The following PTPRD variants were observed in gnomAD, a reference collection of about 807,000 sequenced individuals.
PTPRD encodes protein tyrosine phosphatase receptor type D.
In PTPRD, 34 loss-of-function variants were observed where a neutral mutation model predicts 214.5. The observed-to-expected ratio is 0.16, with a 90% CI of 0.12 to 0.21. The LOEUF (loss-of-function observed/expected upper bound fraction) is 0.21, where lower values mean the gene tolerates loss of function less well. Ranked by LOEUF, PTPRD falls within the 10% of genes least tolerant of loss-of-function variation. The pLI is 1.00. For synonymous variants in PTPRD, 1,128 were observed against 845.7 expected, an observed-to-expected ratio of 1.33 and a Z score of -5.79; for missense variants, 2,545 against 2,398.7, an observed-to-expected ratio of 1.06 and a Z score of -1.27.
chr9:9,303,280 T>C (rs1956088563), intron 9 of PTPRD, among the ~76,000 whole-genome samples: 1 of 152,064 alleles, frequency 6.6e-6, no homozygotes, highest in Middle Eastern at 3.4e-3. Context: ...GGTTTGTCAT[T>C]CTCAAATATC....
intron 9 of PTPRD, among the ~76,000 whole-genome samples, chr9:9,306,592 C>A (rs1042047066): frequency 9.6e-5 from 14 of 145,682 alleles, no homozygotes; most frequent in Non-Finnish European, 1.8e-4. Context: ...AAAAAAAATC[C>A]ATCTTTTCTT....
chr9:8,477,526 G>C (rs945781634), intron 30 of PTPRD, among the ~76,000 whole-genome samples: 1 of 152,140 alleles, frequency 6.6e-6, no homozygotes, highest in African/African-American at 2.4e-5. Flanking sequence ...TTTTGTGTTA[G>C]TGTGTATTAG....
intron 8 of PTPRD, among the ~76,000 whole-genome samples, chr9:9,400,336 T>C (rs752580689): frequency 1.3e-5 from 2 of 151,902 alleles, no homozygotes; most frequent in African/African-American, 2.4e-5. Context: ...GAGAGAAATA[T>C]AAAGCAGGGA....
chr9:10,549,166 TA>T (rs1383570670), intron 2 of PTPRD, among the ~76,000 whole-genome samples: 2 of 152,202 alleles, frequency 1.3e-5, no homozygotes, highest in African/African-American at 2.4e-5. Context: ...GTGTAGCATA[TA>T]AAAACTGTCT....
At chr9:8,727,748 G>A (rs182385529) in intron 12 of PTPRD, among the ~76,000 whole-genome samples, 1 of 152,046 alleles carries the variant, frequency 6.6e-6, no homozygotes, top group Admixed American at 6.6e-5. Flanking sequence ...CTTAAACTGG[G>A]CTCAAGCAAT....
At chr9:8,722,121 C>CTGTG (rs2098505868) in intron 12 of PTPRD, among the ~76,000 whole-genome samples, 1 of 104,426 alleles carries the variant, frequency 9.6e-6, no homozygotes, top group Non-Finnish European at 2.0e-5. Context: ...TTAAGTATTA[C>CTGTG]TCTGTGTGTG....
At chr9:9,193,245 TC>T (rs1434011821) in intron 9 of PTPRD, among the ~76,000 whole-genome samples, 1 of 152,104 alleles carries the variant, frequency 6.6e-6, no homozygotes, top group Admixed American at 6.6e-5. Context: ...TGAATTGAGG[TC>T]ATGAATATTG....
intron 10 of PTPRD, among the ~76,000 whole-genome samples, chr9:9,067,381 G>A (rs2099736388): frequency 6.6e-6 from 1 of 152,234 alleles, no homozygotes; most frequent in South Asian, 2.1e-4. Context: ...TTACGTTTAT[G>A]CCTTTCTAAG....
At chr9:10,139,059 A>G (rs2098963094) in intron 3 of PTPRD, among the ~76,000 whole-genome samples, 1 of 152,112 alleles carries the variant, frequency 6.6e-6, no homozygotes. Context: ...AGCAAGAGAA[A>G]AAAATAAAGA....
At chr9:10,592,305 G>A (rs2075658358) in intron 2 of PTPRD, among the ~76,000 whole-genome samples, 1 of 151,978 alleles carries the variant, frequency 6.6e-6, no homozygotes, top group Non-Finnish European at 1.5e-5. Context: ...CTCACCAAAT[G>A]CAGCAGCCAA....
chr9:8,507,579 G>T, intron 21 of PTPRD, 145 bp from the exon 22 acceptor site: 1 of 932,408 alleles, frequency 1.1e-6, no homozygotes, highest in Non-Finnish European at 1.6e-6. Context: ...CCTTGTCCAA[G>T]TTAACCTCTT....
intron 9 of PTPRD, among the ~76,000 whole-genome samples, chr9:9,328,676 C>T (rs568061219): frequency 1.0e-4 from 11 of 105,512 alleles, no homozygotes; most frequent in African/African-American, 2.1e-4. Flanking sequence ...CTTGCTCTGT[C>T]GCCCAGGCTG....
chr9:8,635,319 C>A (rs1256736125), intron 13 of PTPRD, among the ~76,000 whole-genome samples: 5 of 151,462 alleles, frequency 3.3e-5, no homozygotes, highest in Non-Finnish European at 7.4e-5. Flanking sequence ...TCAAACTTCT[C>A]TTTGACAAAA....
chr9:8,798,429 G>A (rs1487256541), intron 11 of PTPRD, among the ~76,000 whole-genome samples: 1 of 152,026 alleles, frequency 6.6e-6, no homozygotes, highest in Admixed American at 6.6e-5. Context: ...AACAATTCTG[G>A]GTTTGCTGGC....
chr9:8,968,156 G>T (rs927072769), intron 11 of PTPRD, among the ~76,000 whole-genome samples: 22 of 152,036 alleles, frequency 1.4e-4, no homozygotes, highest in African/African-American at 5.3e-4. Context: ...GTCTATCATT[G>T]TTGGACATTT....
At chr9:10,444,578 C>A (rs1426165977) in intron 2 of PTPRD, among the ~76,000 whole-genome samples, 1 of 151,542 alleles carries the variant, frequency 6.6e-6, no homozygotes, top group East Asian at 1.9e-4. Context: ...CCACTAAAGA[C>A]AAGATACATG....
intron 2 of PTPRD, among the ~76,000 whole-genome samples, chr9:10,357,145 T>A (rs2097294490): frequency 6.6e-6 from 1 of 152,100 alleles, no homozygotes; most frequent in Non-Finnish European, 1.5e-5. Flanking sequence ...CTAGCAAATA[T>A]AACAGAAACA....
chr9:9,010,902 A>G (rs1410501704), intron 11 of PTPRD, among the ~76,000 whole-genome samples: 2 of 152,194 alleles, frequency 1.3e-5, no homozygotes, highest in Non-Finnish European at 2.9e-5. Flanking sequence ...TTATTGCACA[A>G]CAGCCACCAA....
At chr9:9,383,421 A>T (rs950527908) in intron 9 of PTPRD, among the ~76,000 whole-genome samples, 13 of 152,162 alleles carry the variant, frequency 8.5e-5, no homozygotes, top group African/African-American at 3.1e-4. Flanking sequence ...GAATTTGTAT[A>T]ATGTGATTTA....
Sources: gnomAD v4.1 joint callset for allele counts (sites outside exome capture counted in the v4.1 genomes callset) on GRCh38, gnomAD v4.1.1 for gene constraint, MANE v1.5 for transcripts, NCBI Gene and HGNC (gene_info 2026-07-23, HGNC 2026-07-21) for gene names.